ZNF629: variants seen among roughly 807,000 people sequenced by gnomAD.
ZNF629 encodes DNA-binding protein.
ZNF629 carries 9 observed loss-of-function variants against 59.7 expected under a neutral mutation model. The ratio of observed to expected loss-of-function variants is 0.15; its 90% confidence interval spans 0.09 to 0.26. The LOEUF is 0.26. ZNF629 is among the 10% of genes least tolerant of loss of function. The probability of loss-of-function intolerance (pLI) is 1.00; values close to 1 mark genes in which losing one functional copy is unlikely to be tolerated. For synonymous variants in ZNF629, 509 were observed against 498.9 expected, an observed-to-expected ratio of 1.02 and a Z score of -0.27; for missense variants, 853 against 1,165.4, an observed-to-expected ratio of 0.73 and a Z score of 3.90.
chr16:30,780,690 T>G lies in ZNF629; in HGVS notation c.*1028A>C, dbSNP rs1159429212. 1 of 152,390 alleles carries G rather than the reference T, an allele frequency of 6.6e-6. No homozygotes were observed. Among genetic ancestry groups the G allele is most frequent in the Non-Finnish European group, 1.5e-5 (1 of 68,040 alleles). 9.4% of individuals were successfully genotyped at this position (152,390 alleles called of 1,614,324 possible). On this transcript the variant is annotated 3_prime_UTR_variant, in exon 3 of 3. Coordinates refer to ENST00000262525, the MANE Select transcript of ZNF629 (RefSeq NM_001080417.3). The stretch of plus-strand genomic sequence containing the variant: ...CTGGCTGGGCAGGGAGAAAGGGTGG[T>G]CCTGCCTGGTGTGGGGAGAACCCTT...
chr16:30,782,321 C>T lies in ZNF629; in HGVS notation c.2007G>A (p.Glu669=). Residue 669 remains glutamate, a synonymous_variant, in exon 3 of 3, where the codon GAG becomes GAA. Transcript: ENST00000262525. ...GGAGCACAGAGCGATCCAGGAAGCTCTCTCCGCAGTGGGAGCAGATGTAGG... is the reference window on the plus strand; with the variant it reads ...GGAGCACAGAGCGATCCAGGAAGCTTTCTCCGCAGTGGGAGCAGATGTAGG... ...SKTYICSHCG[E]SFLDRSVLLQ... 1 of 1,606,630 alleles carries T rather than the reference C, an allele frequency of 6.2e-7. No homozygotes were observed. Among genetic ancestry groups the T allele is most frequent in the Non-Finnish European group, 8.5e-7 (1 of 1,176,366 alleles).
chr16:30,782,523 C>T lies in ZNF629; in HGVS notation c.1805G>A (p.Gly602Asp), dbSNP rs200702829. ...TTTGGGGGCTGCGTGTGCGATGAGG[C>T]CGTCTGCATTTTTGTAGGGGTTTTC... ...IGENPYKNAD[G>D]LIAHAAPKPP... Residue 602 changes from glycine (G) to aspartate (D), a missense_variant, in exon 3 of 3, where the codon GGC (glycine) becomes GAC (aspartate). Gly to Asp is a moderately conservative substitution (Grantham distance 94, BLOSUM62 -1). Coordinates refer to ENST00000262525, the MANE Select transcript of ZNF629 (RefSeq NM_001080417.3). The T allele has an allele frequency of 3.9e-4, 609 of 1,562,520 alleles. No homozygotes were observed. Among genetic ancestry groups the T allele is most frequent in the Non-Finnish European group, 5.0e-4 (580 of 1,152,782 alleles).
Position 30,782,138 on chromosome 16 carries a change from C to T in ZNF629, c.2190G>A (p.Leu730=), listed in dbSNP as rs1190232159. 2 of 1,612,332 alleles carry T rather than the reference C, an allele frequency of 1.2e-6. No individual in the cohort carries two copies. Among genetic ancestry groups the T allele is most frequent in the East Asian group, 2.2e-5 (1 of 44,874 alleles). ...CGCCTGCATGGACTTTCTGGTGCAG[C>T]AGCAGCTCAGAGCTGAGGCCAAAGC... ...KQSFGLSSEL[L]LHQKVHAGGK... Residue 730 remains leucine, a synonymous_variant, in exon 3 of 3, where the codon CTG becomes CTA. Coordinates refer to ENST00000262525, the MANE Select transcript of ZNF629 (RefSeq NM_001080417.3).
At position 30,782,135 on chromosome 16, in the gene ZNF629, C is replaced by T. The variant is rs759720830; in HGVS notation, c.2193G>A (p.Leu731=). The T allele has an allele frequency of 1.9e-6, 3 of 1,611,858 alleles. No individual in the cohort carries two copies. The highest frequency in any genetic ancestry group is 2.5e-6 in the Non-Finnish European group (3 of 1,179,228). ...TCCCGCCTGCATGGACTTTCTGGTG[C>T]AGCAGCAGCTCAGAGCTGAGGCCAA... ...QSFGLSSELL[L]HQKVHAGGKS... Residue 731 remains leucine (L), a synonymous_variant, in exon 3 of 3, where the codon CTG becomes CTA. Coordinates refer to ENST00000262525, the MANE Select transcript of ZNF629 (RefSeq NM_001080417.3).
At chr16:30,784,327 C>T (rs536356375) in intron 2 of ZNF629, 73 bp from the exon 3 acceptor site, 21 of 1,548,036 alleles carry the variant, frequency 1.4e-5, no homozygotes, top group Admixed American at 5.8e-5. Flanking sequence ...TTCCCTCCCC[C>T]GGGTGTCCCC....
rs1163275482 is a variant in ZNF629 at position 30,786,766 on chromosome 16, C to T, written c.-34+262G>A. On this transcript the variant is annotated intron_variant, in intron 1 of 2. Transcript: ENST00000262525. This position sits in a 1 kb window ranked among gnomAD's most constrained non-coding sequence, Gnocchi z 4.8. ...ACTGCCAGGCTCCTCCAGGGCTGCGCTGGCAGCGCTGGTCCCCGGCCCCGG... is the reference window on the plus strand; with the variant it reads ...ACTGCCAGGCTCCTCCAGGGCTGCGTTGGCAGCGCTGGTCCCCGGCCCCGG... Among the ~76,000 whole-genome samples the T allele has an allele frequency of 6.6e-6, 1 of 152,034 alleles. No individual in the cohort carries two copies.
chr16:30,783,897 G>A lies in ZNF629; in HGVS notation c.431C>T (p.Ala144Val), dbSNP rs2054305796. The change falls in exon 3 of 3, where the codon GCG becomes GTG. Residue 144 changes from alanine (A) to valine (V), a missense_variant. Transcript: ENST00000262525. Reference protein sequence around the residue: ...SLRELVQGRPAGAEKPYICNE... With the variant: ...SLRELVQGRPVGAEKPYICNE... ...GCAGATGTAGGGCTTCTCCGCCCCC[G>A]CCGGGCGGCCCTGCACCAGCTCCCG... The A allele has an allele frequency of 6.3e-7, 1 of 1,597,400 alleles. No homozygotes were observed. The highest frequency in any genetic ancestry group is 1.3e-5 in the African/African-American group (1 of 74,814).
chr16:30,784,714 A>C (rs1434296611), intron 1 of ZNF629, among the ~76,000 whole-genome samples, 199 bp from the exon 2 acceptor site: 1 of 151,674 alleles, frequency 6.6e-6, no homozygotes, highest in Non-Finnish European at 1.5e-5. Flanking sequence ...TCCAGATCTT[A>C]AGCGCACAGC....
In ZNF629 at chr16:30,783,272, G is replaced by T; in HGVS notation, c.1056C>A (p.Gly352=). The T allele has an allele frequency of 6.2e-7, 1 of 1,613,848 alleles. No individual in the cohort carries two copies. The highest frequency in any genetic ancestry group is 8.5e-7 in the Non-Finnish European group (1 of 1,179,932). The change falls in exon 3 of 3, where the codon GGC becomes GGA. Residue 352 remains glycine (G), a synonymous_variant. Transcript: ENST00000262525. ...GEKPYECLEC[G]KSFGHSSTLI... Reference sequence around the variant, plus strand: ...GGGTGGAGCTGTGGCCGAAGCTCTTGCCGCACTCTAGGCACTCGTAGGGCT... The same window carrying T: ...GGGTGGAGCTGTGGCCGAAGCTCTTTCCGCACTCTAGGCACTCGTAGGGCT...
chr16:30,780,138 T>C lies in ZNF629; in HGVS notation c.*1580A>G, dbSNP rs565339893. 6.5e-6 allele frequency: 1 copy of C among 152,850 alleles called. No homozygotes were observed. Among genetic ancestry groups the C allele is most frequent in the East Asian group, 1.9e-4 (1 of 5,174 alleles). 9.5% of individuals were successfully genotyped at this position (152,850 alleles called of 1,614,324 possible). A position where few individuals can be genotyped will look rare whatever the true frequency, so the allele number is the denominator to read the frequency against. ...CCTTCTGTTTCCTTCTGAAGGTTTC[T>C]GGCTAAGGAGGAGAGGGGAGCCAAG... On this transcript the variant is annotated 3_prime_UTR_variant, in exon 3 of 3. Transcript: ENST00000262525.
Position 30,784,028 on chromosome 16 carries a change from G to A in ZNF629, c.300C>T (p.Val100=). 6.3e-7 allele frequency: 1 copy of A among 1,576,888 alleles called. No individual in the cohort carries two copies. Among genetic ancestry groups the A allele is most frequent in the Non-Finnish European group, 8.6e-7 (1 of 1,162,908 alleles). ...CCTTGGTCCAGTCAGATGGGGTAGG[G>A]ACTACCTCCGGGGCTGGGGGGTCCA... ...IPLDPPAPEV[V]PTPSDWTKAC... The change falls in exon 3 of 3, where the codon GTC becomes GTT. Residue 100 remains valine (V), a synonymous_variant. Transcript: ENST00000262525.
chr16:30,784,944 A>G (rs965342897), intron 1 of ZNF629, among the ~76,000 whole-genome samples: 1 of 152,142 alleles, frequency 6.6e-6, no homozygotes, highest in African/African-American at 2.4e-5. Flanking sequence ...ATTGAGACCA[A>G]TAAACTTTTC....
chr16:30,786,626 C>G lies in ZNF629; in HGVS notation c.-34+402G>C, dbSNP rs1222549394. ...ATGCGGCCGCCCGGCCCGGCCCCCCCACCGCTTGGCTCCGGACTTCTGCTC... is the reference window on the plus strand; with the variant it reads ...ATGCGGCCGCCCGGCCCGGCCCCCCGACCGCTTGGCTCCGGACTTCTGCTC... On this transcript the variant is annotated intron_variant, in intron 1 of 2. Coordinates refer to ENST00000262525, the MANE Select transcript of ZNF629 (RefSeq NM_001080417.3). The surrounding 1 kb of genome is among the most constrained non-coding windows in gnomAD (Gnocchi z 4.8). 6.6e-6 allele frequency among the ~76,000 whole-genome samples: 1 copy of G among 152,010 alleles called. No individual in the cohort carries two copies. Among genetic ancestry groups the G allele is most frequent in the East Asian group, 1.9e-4 (1 of 5,142 alleles).
At position 30,786,743 on chromosome 16, in the gene ZNF629, T is replaced by G. The variant is rs1211139822; in HGVS notation, c.-34+285A>C. On this transcript the variant is annotated intron_variant, in intron 1 of 2. Coordinates refer to ENST00000262525, the MANE Select transcript of ZNF629 (RefSeq NM_001080417.3). The surrounding 1 kb of genome is among the most constrained non-coding windows in gnomAD (Gnocchi z 4.8). ...CCGGGGTCCCGGCTCCTTCCAGCAC[T>G]GCCAGGCTCCTCCAGGGCTGCGCTG... Among the ~76,000 whole-genome samples the G allele has an allele frequency of 1.3e-5, 2 of 148,262 alleles. No homozygotes were observed. Among genetic ancestry groups the G allele is most frequent in the African/African-American group, 2.5e-5 (1 of 39,750 alleles).
At position 30,782,113 on chromosome 16, in the gene ZNF629, C is replaced by G. The variant is rs569167327; in HGVS notation, c.2215G>C (p.Gly739Arg). 6.8e-6 allele frequency: 11 copies of G among 1,607,458 alleles called. No individual in the cohort carries two copies. The highest frequency in any genetic ancestry group is 8.5e-7 in the Non-Finnish European group (1 of 1,176,930). Residue 739 changes from glycine to arginine, a missense_variant, in exon 3 of 3, where the codon GGG (glycine) becomes CGG (arginine). Coordinates refer to ENST00000262525, the MANE Select transcript of ZNF629 (RefSeq NM_001080417.3). ...LLLHQKVHAG[G>R]KSSQKSPELG... The stretch of plus-strand genomic sequence containing the variant: ...TCTGGACTCTTCTGGGAGCTCTTCC[C>G]GCCTGCATGGACTTTCTGGTGCAGC...
chr16:30,780,111 ATCCTTCTGTT>A lies in ZNF629; in HGVS notation c.*1597_*1606del, dbSNP rs2054267828. The A allele has an allele frequency of 1.3e-5, 2 of 152,740 alleles. No homozygotes were observed. The highest frequency in any genetic ancestry group is 1.3e-4 in the Admixed American group (2 of 15,282). The allele number at this position is 152,740 out of a possible 1,614,324, so 9.5% of individuals were successfully genotyped here. ...TGGGCCTGGCAAGGGAGGCTTTCTC[ATCCTTCTGTT>A]TCCTTCTGAAGGTTTCTGGCTAAGG... On this transcript the variant is annotated 3_prime_UTR_variant, in exon 3 of 3. Transcript: ENST00000262525.
rs761846528 is a variant in ZNF629, at chr16:30,783,563, G to T, written c.765C>A (p.Ser255=). 135 of 1,611,800 alleles carry T rather than the reference G, an allele frequency of 8.4e-5. No individual in the cohort carries two copies. Among genetic ancestry groups the T allele is most frequent in the Non-Finnish European group, 1.0e-4 (118 of 1,179,418 alleles). The change falls in exon 3 of 3, where the codon TCC becomes TCA. Residue 255 remains serine, a synonymous_variant. Transcript: ENST00000262525. ...ACTTGTAGGGCTTCTCGCCGGTGTGGGATCGCTGGTGCTTGATGAGGTTGG... is the reference window on the plus strand; with the variant it reads ...ACTTGTAGGGCTTCTCGCCGGTGTGTGATCGCTGGTGCTTGATGAGGTTGG... ...QSTNLIKHQR[S]HTGEKPYKCG...
chr16:30,780,773 A>G lies in ZNF629; in HGVS notation c.*945T>C, dbSNP rs2054273454. 6.6e-6 allele frequency: 1 copy of G among 152,144 alleles called. No homozygotes were observed. Among genetic ancestry groups the G allele is most frequent in the Admixed American group, 6.6e-5 (1 of 15,260 alleles). The allele number at this position is 152,144 out of a possible 1,614,324, so 9.4% of individuals were successfully genotyped here. On this transcript the variant is annotated 3_prime_UTR_variant, in exon 3 of 3. Transcript: ENST00000262525. Reference sequence around the variant, plus strand: ...GCAGTTTCGCAAGCTTCCGGAAGCAAGAAGGGGCCTGGAGTTAGCTGGGTT... The same window carrying G: ...GCAGTTTCGCAAGCTTCCGGAAGCAGGAAGGGGCCTGGAGTTAGCTGGGTT...
At position 30,784,134 on chromosome 16, in the gene ZNF629, C is replaced by G. The variant is rs769182193; in HGVS notation, c.194G>C (p.Arg65Thr). ...GGGGACAGAGGGGTCCTGGGAGGAT[C>G]TCTCCAGGGACATCTCTGTTGAGTC... ...SKDSTEMSLE[R>T]SSQDPSVPQN... Residue 65 changes from arginine (R) to threonine (T), a missense_variant, in exon 3 of 3, where the codon AGA (arginine) becomes ACA (threonine). By Grantham distance (71) the Arg-to-Thr change is moderately conservative (BLOSUM62 -1). Coordinates refer to ENST00000262525, the MANE Select transcript of ZNF629 (RefSeq NM_001080417.3). The G allele has an allele frequency of 1.1e-5, 18 of 1,609,300 alleles. No individual in the cohort carries two copies. The highest frequency in any genetic ancestry group is 4.0e-5 in the African/African-American group (3 of 74,884).
Sources: gnomAD v4.1 joint callset for allele counts (sites outside exome capture counted in the v4.1 genomes callset) on GRCh38, gnomAD v4.1.1 for gene constraint, Gnocchi (gnomAD v3.1) non-coding constraint, MANE v1.5 for transcripts, NCBI Gene and HGNC (gene_info 2026-07-23, HGNC 2026-07-21) for gene names.